VEPH1: variants seen among roughly 807,000 people sequenced by gnomAD.
VEPH1 encodes the protein ventricular zone expressed PH domain containing 1.
In VEPH1, 80 loss-of-function variants were observed where a neutral mutation model predicts 85.2. The observed-to-expected ratio is 0.94, with a 90% CI of 0.78 to 1.13. VEPH1 has a LOEUF of 1.13. VEPH1 is among the 50% of genes most tolerant of loss of function. VEPH1 has a pLI of 0.00. For missense variants in VEPH1, 955 were observed against 980.5 expected (o/e 0.97, Z 0.35); for synonymous variants, 297 against 348.0 (o/e 0.85, Z 1.63).
chr3:157,474,086 A>G (rs1463572429), intron 2 of VEPH1, among the ~76,000 whole-genome samples: 1 of 152,118 alleles, frequency 6.6e-6, no homozygotes, highest in East Asian at 1.9e-4. Context: ...GTTTCGTATC[A>G]ATTTTATGCT....
intron 9 of VEPH1, among the ~76,000 whole-genome samples, chr3:157,328,117 C>T (rs1722126744): frequency 6.6e-6 from 1 of 152,190 alleles, no homozygotes. Context: ...GACCGGCCAT[C>T]CCGATTTGCC....
intron 9 of VEPH1, among the ~76,000 whole-genome samples, chr3:157,360,787 G>A (rs559222512): frequency 6.6e-6 from 1 of 152,182 alleles, no homozygotes; most frequent in African/African-American, 2.4e-5. Context: ...TATGGCTTTT[G>A]CACGATTGTA....
chr3:157,434,552 A>C (rs1357511334), intron 4 of VEPH1, among the ~76,000 whole-genome samples: 2 of 152,082 alleles, frequency 1.3e-5, no homozygotes, highest in Admixed American at 6.6e-5. Context: ...GCTTCAAGTG[A>C]TCCTCCTACT....
intron 4 of VEPH1, chr3:157,436,816 A>C (rs1733612533): frequency 8.1e-7 from 1 of 1,235,428 alleles, no homozygotes; most frequent in Non-Finnish European, 1.1e-6. Context: ...GGCTTTCCTC[A>C]GCATTTATTA....
chr3:157,349,426 T>C (rs1559981801), intron 9 of VEPH1, among the ~76,000 whole-genome samples: 1 of 152,138 alleles, frequency 6.6e-6, no homozygotes, highest in Non-Finnish European at 1.5e-5. Flanking sequence ...AGTTAATGTC[T>C]TACTGAATGG....
chr3:157,502,885 C>G (rs1740226507), intron 1 of VEPH1, among the ~76,000 whole-genome samples: 1 of 152,194 alleles, frequency 6.6e-6, no homozygotes, highest in Admixed American at 6.5e-5. Flanking sequence ...CTTTGAAAAT[C>G]CGTAGGCAGA....
intron 6 of VEPH1, among the ~76,000 whole-genome samples, chr3:157,410,880 C>T (rs1228335180): frequency 2.0e-5 from 3 of 152,040 alleles, no homozygotes; most frequent in Admixed American, 6.6e-5. Flanking sequence ...ATGAATTGAC[C>T]ACCTGCAACA....
chr3:157,375,779 C>T (rs1728023745), intron 7 of VEPH1, among the ~76,000 whole-genome samples: 5 of 152,128 alleles, frequency 3.3e-5, no homozygotes, highest in African/African-American at 1.2e-4. Flanking sequence ...ATTTCGCTTT[C>T]ATTATCCCTT....
rs1712738159 is a variant in VEPH1 at position 157,260,563 on chromosome 3, G to A, written c.*571C>T. On this transcript the variant is annotated 3_prime_UTR_variant, in exon 14 of 14. Transcript: ENST00000362010. ...AAGACAAGTATTTAATGACATAACTGGCTTGATTTGGGAACCATTTTACCA... is the reference window on the plus strand; with the variant it reads ...AAGACAAGTATTTAATGACATAACTAGCTTGATTTGGGAACCATTTTACCA... 1 of 152,096 alleles carries A rather than the reference G, an allele frequency of 6.6e-6. No homozygotes were observed. Among genetic ancestry groups the A allele is most frequent in the South Asian group, 2.1e-4 (1 of 4,830 alleles). 9.4% of individuals were successfully genotyped at this position (152,096 alleles called of 1,614,324 possible). A position where few individuals can be genotyped will look rare whatever the true frequency, so the allele number is the denominator to read the frequency against.
intron 6 of VEPH1, chr3:157,413,399 T>G: frequency 1.2e-6 from 1 of 863,860 alleles, no homozygotes; most frequent in Non-Finnish European, 1.4e-6. Context: ...ATTGACATGA[T>G]AGCTATGGGC....
At chr3:157,496,925 C>T (rs1214969370) in intron 1 of VEPH1, among the ~76,000 whole-genome samples, 1 of 152,176 alleles carries the variant, frequency 6.6e-6, no homozygotes, top group Admixed American at 6.5e-5. Flanking sequence ...ACTTACATGC[C>T]TTTATCTATG....
intron 9 of VEPH1, among the ~76,000 whole-genome samples, chr3:157,340,661 G>C (rs1348522530): frequency 6.6e-6 from 1 of 152,216 alleles, no homozygotes; most frequent in Non-Finnish European, 1.5e-5. Flanking sequence ...CTGTCTGACA[G>C]CTTTGAAGAG....
At chr3:157,275,593 AT>A (rs1018514284) in intron 12 of VEPH1, among the ~76,000 whole-genome samples, 21 of 151,796 alleles carry the variant, frequency 1.4e-4, no homozygotes, top group South Asian at 4.2e-4. Flanking sequence ...CCAACAAAAA[AT>A]ATATATATAT....
rs1401707622 is a variant in VEPH1 at position 157,323,524 on chromosome 3, C to T, written c.1736-6323G>A. Among the ~76,000 whole-genome samples, 5 of 152,102 alleles carry T rather than the reference C, an allele frequency of 3.3e-5. No individual in the cohort carries two copies. The East Asian group carries it at 9.6e-4, about 29-fold the overall frequency. On this transcript the variant is annotated intron_variant, in intron 9 of 13. Coordinates refer to ENST00000362010, the MANE Select transcript of VEPH1 (RefSeq NM_001167912.2). ...AGTATTAGTTGAGAAATATGTGTTC[C>T]CTTTACAGCAGCTGGTGGGCCCCTG...
chr3:157,363,761 C>T lies in VEPH1; in HGVS notation c.1338G>A (p.Arg446=). The change falls in exon 9 of 14, where the codon AGG becomes AGA. Residue 446 remains arginine (R), a splice_region_variant and synonymous_variant. Coordinates refer to ENST00000362010, the MANE Select transcript of VEPH1 (RefSeq NM_001167912.2). ...KEERKNIRFN[R]SKSLAFHTML... is the part of the protein sequence containing the mutation. ...TAGTGTGGAAAGCCAAACTTTTTGA[C>T]CTAGAGTTCAAACAAAGGGAAAGTT... The T allele has an allele frequency of 6.2e-7, 1 of 1,608,440 alleles. No individual in the cohort carries two copies. Among genetic ancestry groups the T allele is most frequent in the African/African-American group, 1.3e-5 (1 of 74,790 alleles).
chr3:157,345,245 A>G (rs1724081048), intron 9 of VEPH1, among the ~76,000 whole-genome samples: 1 of 152,240 alleles, frequency 6.6e-6, no homozygotes, highest in African/African-American at 2.4e-5. Context: ...CAGGCAACCT[A>G]CAAAATGGGA....
chr3:157,466,703 A>G (rs114496017), intron 3 of VEPH1, among the ~76,000 whole-genome samples: 2 of 152,340 alleles, frequency 1.3e-5, no homozygotes, highest in Non-Finnish European at 2.9e-5. Flanking sequence ...TTCAAGCTCT[A>G]AAGCTCTTTG....
rs1203496419 is a variant in VEPH1 at position 157,481,476 on chromosome 3, A to C, written c.139-10947T>G. ...CACACACACACACACAAAAAAAAAA[A>C]AAAAAAAAAACAATCCTAAGCAAAA... On this transcript the variant is annotated intron_variant, in intron 2 of 13. Coordinates refer to ENST00000362010, the MANE Select transcript of VEPH1 (RefSeq NM_001167912.2). Among the ~76,000 whole-genome samples, 782 of 148,758 alleles carry C rather than the reference A, an allele frequency of 5.3e-3. 8 individuals carry two copies. Among genetic ancestry groups the C allele is most frequent in the African/African-American group, 0.019 (739 of 39,774 alleles).
intron 4 of VEPH1, among the ~76,000 whole-genome samples, chr3:157,456,672 A>C (rs566236611): frequency 2.2e-4 from 33 of 152,220 alleles, no homozygotes; most frequent in Admixed American, 1.2e-3. Context: ...TTCAGAGATT[A>C]GATAGTTGTA....
Sources: gnomAD v4.1 joint callset for allele counts (sites outside exome capture counted in the v4.1 genomes callset) on GRCh38, gnomAD v4.1.1 for gene constraint, MANE v1.5 for transcripts, NCBI Gene and HGNC (gene_info 2026-07-23, HGNC 2026-07-21) for gene names.